The following RXFP2 variants were observed in gnomAD, a reference collection of about 807,000 sequenced individuals.
The protein encoded by RXFP2 is relaxin receptor 2.
RXFP2 carries 68 observed loss-of-function variants against 88.6 expected under a neutral mutation model. That is an observed-to-expected ratio of 0.77 (90% CI 0.63 to 0.94). RXFP2 has a LOEUF of 0.94. Ranked by LOEUF, RXFP2 falls within the 40% of genes least tolerant of loss-of-function variation. The probability of loss-of-function intolerance (pLI) is 0.00; values close to 1 mark genes in which losing one functional copy is unlikely to be tolerated. For missense variants in RXFP2, 791 were observed against 893.9 expected, an observed-to-expected ratio of 0.88 and a Z score of 1.47; for synonymous variants, 329 against 306.8, an observed-to-expected ratio of 1.07 and a Z score of -0.76.
rs147082423 is a variant in RXFP2, at chr13:31,739,861, T to C, written c.94+155T>C. ...ATTTGTCATTATCTTTCATTGCTTGTAGTCCCACACAGCCTAGTAATTTTT... is the reference window on the plus strand; with the variant it reads ...ATTTGTCATTATCTTTCATTGCTTGCAGTCCCACACAGCCTAGTAATTTTT... On this transcript the variant is annotated intron_variant, in intron 1 of 17. Coordinates refer to ENST00000298386, the MANE Select transcript of RXFP2 (RefSeq NM_130806.5). 1.7e-4 allele frequency among the ~76,000 whole-genome samples: 26 copies of C among 152,238 alleles called. No homozygotes were observed. In the East Asian group the frequency reaches 2.7e-3, roughly 16 times the overall value.
chr13:31,745,914 C>T (rs77991225), intron 1 of RXFP2, among the ~76,000 whole-genome samples: 4,684 of 152,262 alleles, frequency 0.031, 184 homozygotes, highest in East Asian at 0.2. Context: ...TAAAGTGCTA[C>T]ACAAACGTTA....
intron 1 of RXFP2, among the ~76,000 whole-genome samples, chr13:31,746,013 A>C (rs1871397879): frequency 6.6e-6 from 1 of 152,224 alleles, no homozygotes. Context: ...CTTGACCTTG[A>C]CTGGCGTTTG....
Position 31,792,558 on chromosome 13 carries a change from T to TATAAGATGAAAG in RXFP2, c.1376-119_1376-108dup, listed in dbSNP as rs1219591896. ...CAGATGTTTACATTAGTTCATTTGA[T>TATAAGATGAAAG]ATAAGATGAAAGGAACTAGATCTAA... On this transcript the variant is annotated intron_variant, in intron 15 of 17. Transcript: ENST00000298386. 6 of 947,950 alleles carry TATAAGATGAAAG rather than the reference T, an allele frequency of 6.3e-6. No individual in the cohort carries two copies. The African/African-American group carries it at 8.1e-5, about 13-fold the overall frequency. 58.7% of individuals were successfully genotyped at this position (947,950 alleles called of 1,614,324 possible).
chr13:31,779,699 C>T (rs1873177561), intron 9 of RXFP2, among the ~76,000 whole-genome samples: 1 of 152,144 alleles, frequency 6.6e-6, no homozygotes, highest in Admixed American at 6.6e-5. Flanking sequence ...GGTAGCGCTG[C>T]TGGAACTCTT....
intron 17 of RXFP2, among the ~76,000 whole-genome samples, chr13:31,798,449 G>A (rs1342844829): frequency 6.6e-6 from 1 of 152,204 alleles, no homozygotes; most frequent in Non-Finnish European, 1.5e-5. Flanking sequence ...GAAAGAAGAA[G>A]CCATAAGAGG....
intron 11 of RXFP2, among the ~76,000 whole-genome samples, chr13:31,785,005 C>T (rs193051352): frequency 1.3e-5 from 2 of 152,268 alleles, no homozygotes; most frequent in African/African-American, 2.4e-5. Context: ...GTAAATGATG[C>T]CATTGCCCTA....
intron 1 of RXFP2, among the ~76,000 whole-genome samples, chr13:31,753,963 A>C (rs1411908616): frequency 2.0e-5 from 3 of 152,168 alleles, no homozygotes; most frequent in Non-Finnish European, 4.4e-5. Context: ...CTTATACATA[A>C]AATTTGTGCT....
chr13:31,795,039 A>T (rs1340386364), intron 16 of RXFP2, among the ~76,000 whole-genome samples: 1 of 152,178 alleles, frequency 6.6e-6, no homozygotes. Flanking sequence ...ATTTGAAAAT[A>T]GTTTTCATTT....
At chr13:31,774,425 T>C (rs1309997964) in intron 5 of RXFP2, among the ~76,000 whole-genome samples, 195 bp from the exon 6 acceptor site, 2 of 152,196 alleles carry the variant, frequency 1.3e-5, no homozygotes, top group Non-Finnish European at 2.9e-5. Context: ...TCAATCTCAT[T>C]GCATGAGTAC....
intron 9 of RXFP2, among the ~76,000 whole-genome samples, 160 bp from the exon 10 acceptor site, chr13:31,781,511 A>C (rs192521828): frequency 1.3e-5 from 2 of 151,962 alleles, no homozygotes; most frequent in African/African-American, 4.8e-5. Context: ...AGGGGGAAAG[A>C]AGCATAATAT....
rs1262238654 is a variant in RXFP2, at chr13:31,786,862, T to G, written c.1073+225T>G. On this transcript the variant is annotated intron_variant, in intron 13 of 17. Coordinates refer to ENST00000298386, the MANE Select transcript of RXFP2 (RefSeq NM_130806.5). ...CTTGAAGAAGGTTTCAGGAATGTCC[T>G]TCTTGAAAACTGGGTTCATGTGGCA... 2.0e-5 allele frequency among the ~76,000 whole-genome samples: 3 copies of G among 152,350 alleles called. No individual in the cohort carries two copies. The East Asian group carries it at 5.8e-4, about 29-fold the overall frequency.
chr13:31,797,222 T>G lies in RXFP2; in HGVS notation c.1808T>G (p.Leu603Arg). The change falls in exon 17 of 18, where the codon CTC (leucine) becomes CGC (arginine). Residue 603 changes from leucine (L) to arginine (R), a missense_variant. Coordinates refer to ENST00000298386, the MANE Select transcript of RXFP2 (RefSeq NM_130806.5). ...IFLGVNLLAFLIIVFSYITMF... is the reference protein window; with the variant it reads ...IFLGVNLLAFRIIVFSYITMF... ...ACAGGTGTGAACTTGCTGGCTTTTC[T>G]CATCATTGTGTTTTCCTATATTACT... 6.2e-7 allele frequency: 1 copy of G among 1,613,584 alleles called. No individual in the cohort carries two copies. Among genetic ancestry groups the G allele is most frequent in the Non-Finnish European group, 8.5e-7 (1 of 1,179,466 alleles).
intron 4 of RXFP2, among the ~76,000 whole-genome samples, chr13:31,765,691 G>T (rs1312551534): frequency 2.0e-5 from 3 of 152,138 alleles, no homozygotes; most frequent in Non-Finnish European, 4.4e-5. Context: ...TGCACCCACA[G>T]AGTAAAAACA....
At chr13:31,743,164 T>C (rs1871280633) in intron 1 of RXFP2, among the ~76,000 whole-genome samples, 2 of 152,154 alleles carry the variant, frequency 1.3e-5, no homozygotes, top group Admixed American at 1.3e-4. Context: ...CTTTTGAGTG[T>C]TTTAAGATGT....
rs1265045332 is a variant in RXFP2 at position 31,761,772 on chromosome 13, C to T, written c.290C>T (p.Ala97Val). 6.2e-6 allele frequency: 10 copies of T among 1,612,866 alleles called. No individual in the cohort carries two copies. The highest frequency in any genetic ancestry group is 7.6e-6 in the Non-Finnish European group (9 of 1,179,048). Residue 97 changes from alanine to valine, a missense_variant, in exon 3 of 18, where the codon GCT (alanine) becomes GTT (valine). Physicochemically the swap from Ala to Val is moderately conservative, Grantham distance 64. Transcript: ENST00000298386. ...ATIFGTVHGNANSVALTQECF... is the reference protein window; with the variant it reads ...ATIFGTVHGNVNSVALTQECF... Reference sequence around the variant, plus strand: ...ATATTTGGCACAGTGCATGGAAATGCTAACAGCGTGGCCTTAACACAGGAG... The same window carrying T: ...ATATTTGGCACAGTGCATGGAAATGTTAACAGCGTGGCCTTAACACAGGAG...
chr13:31,787,991 A>C (rs1873625777), intron 13 of RXFP2, among the ~76,000 whole-genome samples: 1 of 152,174 alleles, frequency 6.6e-6, no homozygotes, highest in Non-Finnish European at 1.5e-5. Flanking sequence ...TCACAAACAT[A>C]TCTTAGCCAC....
chr13:31,782,373 G>A (rs552202363), intron 10 of RXFP2, among the ~76,000 whole-genome samples: 2 of 151,966 alleles, frequency 1.3e-5, no homozygotes, highest in Non-Finnish European at 2.9e-5. Flanking sequence ...ATGGATGATT[G>A]GAAAAAAGAA....
chr13:31,773,531 G>A (rs1872810408), intron 5 of RXFP2, among the ~76,000 whole-genome samples: 1 of 151,384 alleles, frequency 6.6e-6, no homozygotes, highest in South Asian at 2.1e-4. Flanking sequence ...GTACAGTTTA[G>A]TGGTAGTAAA....
chr13:31,775,909 G>A (rs975778905), intron 7 of RXFP2, among the ~76,000 whole-genome samples: 1 of 152,214 alleles, frequency 6.6e-6, no homozygotes. Flanking sequence ...CGGTTAGCAG[G>A]CTTTCTGTAT....
Sources: gnomAD v4.1 joint callset for allele counts (sites outside exome capture counted in the v4.1 genomes callset) on GRCh38, gnomAD v4.1.1 for gene constraint, MANE v1.5 for transcripts, NCBI Gene and HGNC (gene_info 2026-07-23, HGNC 2026-07-21) for gene names.